FKBP15: variants seen among roughly 807,000 people sequenced by gnomAD.
FKBP15 encodes FK506-binding protein 15.
FKBP15 carries 106 observed loss-of-function variants against 158.1 expected under a neutral mutation model. That is an observed-to-expected ratio of 0.67 (90% CI 0.57 to 0.79). The LOEUF is 0.79. Ranked by LOEUF, FKBP15 falls within the 30% of genes least tolerant of loss-of-function variation. The probability of loss-of-function intolerance (pLI) is 0.00; values close to 1 mark genes in which losing one functional copy is unlikely to be tolerated. For missense variants in FKBP15, 1,287 were observed against 1,479.1 expected (o/e 0.87, Z 2.13); for synonymous variants, 547 against 548.6 (o/e 1.00, Z 0.04).
At chr9:113,211,629 A>C in intron 1 of FKBP15, 37 bp from the exon 2 acceptor site, 5 of 1,465,728 alleles carry the variant, frequency 3.4e-6, no homozygotes, top group Non-Finnish European at 4.7e-6. Flanking sequence ...TTTCACTGAT[A>C]TATCCCAAAC....
rs1830252007 is a variant in FKBP15 at position 113,173,594 on chromosome 9, T to C, written c.2391A>G (p.Val797=). 6.2e-7 allele frequency: 1 copy of C among 1,613,700 alleles called. No individual in the cohort carries two copies. Among genetic ancestry groups the C allele is most frequent in the South Asian group, 1.1e-5 (1 of 91,058 alleles). ...DQAAAEQLSL[V]QAELQTQWEA... ...CCCACTGGGTCTGTAGCTCAGCCTG[T>C]ACTAAAGACAGCTGCCAAGAGAAAG... The change falls in exon 23 of 28, where the codon GTA becomes GTG. Residue 797 remains valine, a synonymous_variant. Coordinates refer to ENST00000238256, the MANE Select transcript of FKBP15 (RefSeq NM_015258.2).
At position 113,184,662 on chromosome 9, in the gene FKBP15, C is replaced by T; in HGVS notation, c.1608+33G>A. ...TGGCTGCTCCCTGTTTACATCCCCA[C>T]TTTCAACATCACCCCAACTCTGACT... On this transcript the variant is annotated intron_variant, in intron 16 of 27. Coordinates refer to ENST00000238256, the MANE Select transcript of FKBP15 (RefSeq NM_015258.2). The surrounding 1 kb of genome is among the most constrained non-coding windows in gnomAD (Gnocchi z 4.5). 1.9e-6 allele frequency: 3 copies of T among 1,544,674 alleles called. No individual in the cohort carries two copies. Among genetic ancestry groups the T allele is most frequent in the Non-Finnish European group, 2.7e-6 (3 of 1,131,676 alleles).
chr9:113,164,403 A>G lies in FKBP15; in HGVS notation c.*1675T>C, dbSNP rs567242924. Reference sequence around the variant, plus strand: ...AACAAGTATTAATTGAGTACATGCTATAAGAAAAGTAACTGTCACACGGAC... The same window carrying G: ...AACAAGTATTAATTGAGTACATGCTGTAAGAAAAGTAACTGTCACACGGAC... On this transcript the variant is annotated 3_prime_UTR_variant, in exon 28 of 28. Coordinates refer to ENST00000238256, the MANE Select transcript of FKBP15 (RefSeq NM_015258.2). 1 of 152,380 alleles carries G rather than the reference A, an allele frequency of 6.6e-6. No individual in the cohort carries two copies. The highest frequency in any genetic ancestry group is 2.4e-5 in the African/African-American group (1 of 41,590). 9.4% of individuals were successfully genotyped at this position (152,380 alleles called of 1,614,324 possible). A position where few individuals can be genotyped will look rare whatever the true frequency, so the allele number is the denominator to read the frequency against.
At position 113,178,804 on chromosome 9, in the gene FKBP15, GAAT is replaced by G. The variant is rs1168665794; in HGVS notation, c.1915-6_1915-4del. 1 of 1,599,352 alleles carries G rather than the reference GAAT, an allele frequency of 6.3e-7. No individual in the cohort carries two copies. Among genetic ancestry groups the G allele is most frequent in the Non-Finnish European group, 8.5e-7 (1 of 1,172,886 alleles). ...GCTAACTCCTCTGTCACCTTGGCCT[GAAT>G]AATAACAAAGTATGATGTCACTTTA... is the stretch of plus-strand genomic sequence containing the variant. On this transcript the variant is annotated splice_polypyrimidine_tract_variant and splice_region_variant and intron_variant, in intron 19 of 27. Coordinates refer to ENST00000238256, the MANE Select transcript of FKBP15 (RefSeq NM_015258.2).
chr9:113,206,731 T>C lies in FKBP15; in HGVS notation c.255-153A>G, dbSNP rs1456534453. On this transcript the variant is annotated intron_variant, in intron 3 of 27. Transcript: ENST00000238256. ...TTTAAAATTTTTTTTTTTTTTTTTT[T>C]TTTTGAGACAGAGTCTCGCTCTGTC... is the stretch of plus-strand genomic sequence containing the variant. 2.9e-5 allele frequency among the ~76,000 whole-genome samples: 4 copies of C among 140,026 alleles called. No individual in the cohort carries two copies. In the East Asian group the frequency reaches 7.8e-4, roughly 27 times the overall value. 91.9% of individuals were successfully genotyped at this position (140,026 alleles called of 152,430 possible).
At chr9:113,181,418 T>G (rs978160568) in intron 19 of FKBP15, among the ~76,000 whole-genome samples, 7 of 152,194 alleles carry the variant, frequency 4.6e-5, no homozygotes, top group African/African-American at 1.7e-4. Context: ...GAGAATCACA[T>G]GCTGAACTTC....
chr9:113,185,423 C>T (rs1658267386), intron 15 of FKBP15, among the ~76,000 whole-genome samples: 1 of 152,090 alleles, frequency 6.6e-6, no homozygotes, highest in Admixed American at 6.5e-5. Context: ...AAAAGCGTAT[C>T]CCAGATGGAG....
At chr9:113,208,276 G>A (rs1180683125) in intron 2 of FKBP15, among the ~76,000 whole-genome samples, 1 of 152,174 alleles carries the variant, frequency 6.6e-6, no homozygotes, top group Non-Finnish European at 1.5e-5. Flanking sequence ...GGCAGAGGTT[G>A]CAGTGAGCTG....
intron 3 of FKBP15, 131 bp from the exon 4 acceptor site, chr9:113,206,709 A>C: frequency 2.0e-6 from 1 of 505,668 alleles, no homozygotes; most frequent in South Asian, 2.6e-5. Context: ...TGAGCGGTTT[A>C]AAATTTTTTT....
At chr9:113,193,845 G>A (rs1188354421) in intron 10 of FKBP15, among the ~76,000 whole-genome samples, 182 bp downstream of exon 10, 2 of 151,982 alleles carry the variant, frequency 1.3e-5, no homozygotes, top group Non-Finnish European at 2.9e-5. Context: ...TGCTTTTGTG[G>A]CCTATGAATA....
intron 1 of FKBP15, among the ~76,000 whole-genome samples, chr9:113,217,823 A>G (rs946215520): frequency 6.6e-6 from 1 of 152,196 alleles, no homozygotes; most frequent in Non-Finnish European, 1.5e-5. Flanking sequence ...CCTGGGCAAC[A>G]GAGAAAAACC....
At chr9:113,208,069 C>T (rs1229545822) in intron 2 of FKBP15, among the ~76,000 whole-genome samples, 3 of 152,128 alleles carry the variant, frequency 2.0e-5, no homozygotes, top group South Asian at 4.1e-4. Flanking sequence ...GTAGGCTGGG[C>T]GCAGTGGCTC....
intron 1 of FKBP15, among the ~76,000 whole-genome samples, chr9:113,217,414 G>A (rs1831161841): frequency 6.7e-6 from 1 of 149,800 alleles, no homozygotes; most frequent in South Asian, 2.1e-4. Flanking sequence ...GTTTCATTGT[G>A]TTGGCCAGGC....
At chr9:113,176,121 G>T (rs1440065122) in intron 21 of FKBP15, among the ~76,000 whole-genome samples, 1 of 152,136 alleles carries the variant, frequency 6.6e-6, no homozygotes, top group Non-Finnish European at 1.5e-5. Flanking sequence ...AATATCCATC[G>T]ATAGGCAAAT....
In FKBP15 at chr9:113,213,446, C is replaced by T. The variant is rs1038426843; in HGVS notation, c.54-1854G>A. Among the ~76,000 whole-genome samples, 11 of 151,450 alleles carry T rather than the reference C, an allele frequency of 7.3e-5. 1 individual carries two copies. The highest frequency in any genetic ancestry group is 2.1e-4 in the South Asian group (1 of 4,784). On this transcript the variant is annotated intron_variant, in intron 1 of 27. Coordinates refer to ENST00000238256, the MANE Select transcript of FKBP15 (RefSeq NM_015258.2). ...AAAATTATCCAGTCTTGGTGGTAAACGCCTGGAGTCCTAGCGGCTTGAGAG... is the reference window on the plus strand; with the variant it reads ...AAAATTATCCAGTCTTGGTGGTAAATGCCTGGAGTCCTAGCGGCTTGAGAG...
At chr9:113,166,544 G>A (rs1830102399) in intron 27 of FKBP15, among the ~76,000 whole-genome samples, 11 of 152,232 alleles carry the variant, frequency 7.2e-5, no homozygotes, top group Admixed American at 7.2e-4. Context: ...GAGAGCGAGA[G>A]GAAGTGGGAA....
At chr9:113,186,142 GA>G in intron 15 of FKBP15, 106 bp downstream of exon 15, 1 of 725,836 alleles carries the variant, frequency 1.4e-6, no homozygotes, top group Admixed American at 2.7e-5. Flanking sequence ...TTAAAAAAGA[GA>G]AGAAACAATG....
intron 21 of FKBP15, 67 bp downstream of exon 21, chr9:113,176,470 T>C (rs17762224): frequency 0.24 from 361,071 of 1,490,292 alleles, 45,459 homozygotes; most frequent in South Asian, 0.26. Context: ...ACTATTGTAA[T>C]TTGTAAAAGG....
chr9:113,176,808 G>A, intron 20 of FKBP15, 135 bp from the exon 21 acceptor site: 1 of 940,192 alleles, frequency 1.1e-6, no homozygotes, highest in Non-Finnish European at 1.5e-6. Flanking sequence ...GAGTGCAGTG[G>A]TGTGATCATA....
Sources: gnomAD v4.1 joint callset for allele counts (sites outside exome capture counted in the v4.1 genomes callset) on GRCh38, gnomAD v4.1.1 for gene constraint, Gnocchi (gnomAD v3.1) non-coding constraint, MANE v1.5 for transcripts, NCBI Gene and HGNC (gene_info 2026-07-23, HGNC 2026-07-21) for gene names.